The following KLHL3 variants were observed in gnomAD, a reference collection of about 807,000 sequenced individuals.
The protein encoded by KLHL3 is kelch-like protein 3.
Under a neutral mutation model 70.5 loss-of-function variants are expected in KLHL3, and 19 were observed. The ratio of observed to expected loss-of-function variants is 0.27; its 90% CI spans 0.19 to 0.40. The LOEUF (loss-of-function observed/expected upper bound fraction) is 0.40, where lower values mean the gene tolerates loss of function less well. KLHL3 is among the 10% of genes least tolerant of loss of function. The pLI is 1.00. For missense variants in KLHL3, 512 were observed against 771.1 expected, an observed-to-expected ratio of 0.66 and a Z score of 3.98; for synonymous variants, 258 against 290.3, an observed-to-expected ratio of 0.89 and a Z score of 1.13.
intron 8 of KLHL3, 77 bp from the exon 9 acceptor site, chr5:137,640,054 CT>C: frequency 8.3e-7 from 1 of 1,207,854 alleles, no homozygotes; most frequent in Non-Finnish European, 1.2e-6. Flanking sequence ...TTCCACATGG[CT>C]TATCGCCCAG....
intron 6 of KLHL3, 83 bp from the exon 7 acceptor site, chr5:137,662,114 A>G (rs112760417): frequency 8.0e-3 from 4,070 of 510,184 alleles, no homozygotes; most frequent in East Asian, 0.014. Flanking sequence ...AAAAAAAAAA[A>G]AGAGAGAGAG....
intron 12 of KLHL3, 109 bp from the exon 13 acceptor site, chr5:137,628,546 A>G (rs991737353): frequency 4.0e-6 from 5 of 1,264,538 alleles, no homozygotes; most frequent in Non-Finnish European, 5.5e-6. Context: ...GGACTTGGGG[A>G]GTGCCATTTT....
At position 137,621,497 on chromosome 5, in the gene KLHL3, T is replaced by C. The variant is rs1750295303; in HGVS notation, c.*601A>G. ...GGTGCAGCTTCGAGAATTTTCCAGC[T>C]CTTCTGCAGACAAAGTCACAGTAGT... is the stretch of plus-strand genomic sequence containing the variant. On this transcript the variant is annotated 3_prime_UTR_variant, in exon 15 of 15. Coordinates refer to ENST00000309755, the MANE Select transcript of KLHL3 (RefSeq NM_017415.3). 3 of 152,572 alleles carry C rather than the reference T, an allele frequency of 2.0e-5. No homozygotes were observed. The highest frequency in any genetic ancestry group is 4.4e-5 in the Non-Finnish European group (3 of 68,182). 9.5% of individuals were successfully genotyped at this position (152,572 alleles called of 1,614,324 possible).
intron 2 of KLHL3, 92 bp downstream of exon 2, chr5:137,720,373 A>T: frequency 7.0e-7 from 1 of 1,432,966 alleles, no homozygotes; most frequent in Non-Finnish European, 9.7e-7. Flanking sequence ...AGAATTCCCT[A>T]GGTGGTCATG....
At chr5:137,682,142 C>T (rs541062656) in intron 5 of KLHL3, among the ~76,000 whole-genome samples, 63 of 152,170 alleles carry the variant, frequency 4.1e-4, no homozygotes, top group African/African-American at 1.5e-3. Flanking sequence ...CCCGCAAAAG[C>T]CCTACTAAAG....
chr5:137,677,290 T>C, intron 6 of KLHL3: 1 of 289,560 alleles, frequency 3.5e-6, no homozygotes, highest in Non-Finnish European at 6.4e-6. Flanking sequence ...CTACTGAAAA[T>C]ACAAAAAATT....
chr5:137,634,324 G>A (rs1750715439), intron 11 of KLHL3, among the ~76,000 whole-genome samples, 159 bp from the exon 12 acceptor site: 1 of 152,186 alleles, frequency 6.6e-6, no homozygotes, highest in East Asian at 1.9e-4. Flanking sequence ...ACCAAGCAAA[G>A]CATCCTTCAC....
chr5:137,681,457 T>C (rs986577169), intron 5 of KLHL3, among the ~76,000 whole-genome samples: 7 of 152,146 alleles, frequency 4.6e-5, no homozygotes, highest in African/African-American at 1.7e-4. Flanking sequence ...ACAGGAAAAT[T>C]CAGAGCATAT....
intron 2 of KLHL3, 101 bp from the exon 3 acceptor site, chr5:137,709,957 C>T: frequency 1.2e-6 from 1 of 863,824 alleles, no homozygotes; most frequent in Admixed American, 1.9e-5. Context: ...CACACTATCA[C>T]TATACAAAGC....
intron 1 of KLHL3, among the ~76,000 whole-genome samples, chr5:137,724,808 GA>G (rs1172494862): frequency 2.6e-5 from 4 of 152,214 alleles, no homozygotes; most frequent in South Asian, 2.1e-4. Context: ...AAGAAATTAA[GA>G]AAAGAACATC....
chr5:137,628,221 T>C, intron 13 of KLHL3, 76 bp downstream of exon 13: 2 of 1,551,856 alleles, frequency 1.3e-6, no homozygotes, highest in Non-Finnish European at 1.8e-6. Context: ...GAAATCTCCC[T>C]GCTGTTTAGA....
chr5:137,734,981 C>G (rs1753237593), intron 1 of KLHL3, among the ~76,000 whole-genome samples: 1 of 152,180 alleles, frequency 6.6e-6, no homozygotes, highest in African/African-American at 2.4e-5. Flanking sequence ...GTTCCTATTT[C>G]AAAAGAAATC....
At chr5:137,674,989 T>TTA (rs1158661737) in intron 6 of KLHL3, among the ~76,000 whole-genome samples, 1 of 152,192 alleles carries the variant, frequency 6.6e-6, no homozygotes, top group Non-Finnish European at 1.5e-5. Flanking sequence ...AACTATGAGG[T>TTA]TAGCCAAAGA....
intron 5 of KLHL3, among the ~76,000 whole-genome samples, chr5:137,684,014 G>A (rs914309555): frequency 7.9e-5 from 12 of 152,216 alleles, no homozygotes; most frequent in Non-Finnish European, 1.5e-4. Flanking sequence ...GCAGGAGTGA[G>A]GCAACCATCA....
intron 13 of KLHL3, 31 bp from the exon 14 acceptor site, chr5:137,625,927 T>A (rs556467239): frequency 6.2e-7 from 1 of 1,613,646 alleles, no homozygotes; most frequent in Non-Finnish European, 8.5e-7. Context: ...ATGGGAGACA[T>A]CACAGCAGGT....
At chr5:137,711,164 G>C (rs1049318408) in intron 2 of KLHL3, among the ~76,000 whole-genome samples, 3 of 152,200 alleles carry the variant, frequency 2.0e-5, no homozygotes, top group Non-Finnish European at 4.4e-5. Context: ...CATGGTTGAC[G>C]GATGGAAGAA....
At chr5:137,625,930 C>T (rs373252589) in intron 13 of KLHL3, 34 bp from the exon 14 acceptor site, 2 of 1,613,606 alleles carry the variant, frequency 1.2e-6, no homozygotes, top group African/African-American at 2.7e-5. Context: ...GGAGACATCA[C>T]AGCAGGTGCA....
intron 1 of KLHL3, chr5:137,724,930 T>A (rs1449672925): frequency 2.4e-6 from 1 of 419,662 alleles, no homozygotes; most frequent in African/African-American, 2.2e-5. Context: ...ACCTATACCC[T>A]CCAGCAATAT....
At chr5:137,660,460 G>C (rs1035723590) in intron 7 of KLHL3, among the ~76,000 whole-genome samples, 8 of 152,092 alleles carry the variant, frequency 5.3e-5, no homozygotes, top group Non-Finnish European at 1.0e-4. Context: ...GGATGCTCAG[G>C]CAAGTTCACT....
Sources: allele counts gnomAD v4.1 joint callset (sites outside exome capture counted in the v4.1 genomes callset), GRCh38; gene constraint gnomAD v4.1.1; transcripts MANE v1.5; gene names NCBI Gene and HGNC (gene_info 2026-07-23, HGNC 2026-07-21).